FAM234A: variants seen among roughly 807,000 people sequenced by gnomAD.
The protein encoded by FAM234A is family with sequence similarity 234 member A, also known as protein FAM234A.
A neutral mutation model predicts 49.1 loss-of-function variants in FAM234A; 42 were observed. The ratio of observed to expected loss-of-function variants is 0.86; its 90% confidence interval spans 0.67 to 1.11. The LOEUF (loss-of-function observed/expected upper bound fraction) is 1.11. Ranked by LOEUF, FAM234A falls within the 50% of genes least tolerant of loss-of-function variation. FAM234A has a pLI of 0.00. For synonymous variants in FAM234A, 369 were observed against 316.2 expected, an observed-to-expected ratio of 1.17 and a Z score of -1.77; for missense variants, 815 against 745.2, an observed-to-expected ratio of 1.09 and a Z score of -1.09.
At chr16:268,850 G>C (rs2051788945), downstream of FAM234A, 2 of 1,550,434 alleles carry the variant, frequency 1.3e-6, no homozygotes, top group Non-Finnish European at 1.7e-6. Flanking sequence ...TCCGCGTCTT[G>C]TGACGGGTGT....
chr16:235,673 C>G (rs955798423), intron 1 of FAM234A, among the ~76,000 whole-genome samples: 1 of 152,148 alleles, frequency 6.6e-6, no homozygotes, highest in Non-Finnish European at 1.5e-5. Flanking sequence ...ACACTACTTC[C>G]CTTATTGCAA....
chr16:252,398 G>A (rs2051056695), intron 2 of FAM234A, among the ~76,000 whole-genome samples: 2 of 151,770 alleles, frequency 1.3e-5, no homozygotes, highest in Admixed American at 1.3e-4. Flanking sequence ...GTCCAGGATG[G>A]TCTCAATCTC....
intron 2 of FAM234A, 109 bp from the exon 3 acceptor site, chr16:254,268 ATAGT>A (rs2051137726): frequency 2.6e-6 from 2 of 780,800 alleles, no homozygotes; most frequent in East Asian, 4.9e-5. Context: ...CTGGTGGCCC[ATAGT>A]TAGAGCTGCA....
chr16:240,900 C>G (rs922240843), intron 1 of FAM234A, among the ~76,000 whole-genome samples: 27 of 152,064 alleles, frequency 1.8e-4, no homozygotes, highest in Non-Finnish European at 3.4e-4. Context: ...TAGTTTTCCT[C>G]TAAATATTAA....
At chr16:250,124 G>T (rs1347164192) in intron 2 of FAM234A, among the ~76,000 whole-genome samples, 1 of 152,076 alleles carries the variant, frequency 6.6e-6, no homozygotes, top group Non-Finnish European at 1.5e-5. Flanking sequence ...GTAGAGACGG[G>T]GTTTCACCGT....
In FAM234A at chr16:260,639, G is replaced by A. The variant is rs186566199; in HGVS notation, c.577+479G>A. On this transcript the variant is annotated intron_variant, in intron 5 of 12. Coordinates refer to ENST00000399932, the MANE Select transcript of FAM234A (RefSeq NM_032039.4). ...CGTGGAAGGACGAGGGAAAGAATGC[G>A]TGGTGCACGGGGCCATGTGTGTGTG... 4.7e-5 allele frequency: 22 copies of A among 472,692 alleles called. No individual in the cohort carries two copies. The East Asian group carries it at 8.3e-4, about 18-fold the overall frequency. 29.3% of individuals were successfully genotyped at this position (472,692 alleles called of 1,614,324 possible). A position where few individuals can be genotyped will look rare whatever the true frequency, so the allele number is the denominator to read the frequency against.
Position 265,986 on chromosome 16 carries a change from T to C in FAM234A, c.*964T>C, listed in dbSNP as rs549656412. The C allele has an allele frequency of 9.8e-4, 968 of 985,990 alleles. 7 individuals carry two copies. In the African/African-American group the frequency reaches 0.016, roughly 16 times the overall value. The allele number at this position is 985,990 out of a possible 1,614,324, so 61.1% of individuals were successfully genotyped here. ...GCCCAAGGGCAGCCATGGTGCTCTGTACTGCTCGGGCCGCCCAGGTCACAG... is the reference window on the plus strand; with the variant it reads ...GCCCAAGGGCAGCCATGGTGCTCTGCACTGCTCGGGCCGCCCAGGTCACAG... On this transcript the variant is annotated 3_prime_UTR_variant, in exon 13 of 13. Coordinates refer to ENST00000399932, the MANE Select transcript of FAM234A (RefSeq NM_032039.4).
Position 254,555 on chromosome 16 carries a change from C to T in FAM234A, c.142C>T (p.Arg48Ter), listed in dbSNP as rs556829255. 5 of 1,614,210 alleles carry T rather than the reference C, an allele frequency of 3.1e-6. No individual in the cohort carries two copies. In the East Asian group the frequency reaches 8.9e-5, roughly 29 times the overall value. The change falls in exon 3 of 13, where the codon CGA becomes TGA. Residue 48 changes from arginine to a stop codon, truncating the protein, a stop_gained. Coordinates refer to ENST00000399932, the MANE Select transcript of FAM234A (RefSeq NM_032039.4). LOFTEE classifies it high-confidence loss of function. Reference protein sequence around the residue: ...APPQSRLSRCRAAAFFLSLFL... With the variant: ...APPQSRLSRC ...TCCACAGTCCCGGCTCTCCCGGTGC[C>T]GAGCGGCGGCGTTTTTTCTTTCATT...
rs908970223 is a variant in FAM234A, at chr16:249,650, A to C, written c.-38A>C. The stretch of plus-strand genomic sequence containing the variant: ...AGGACGTCCTCCGGGCACTCCCACG[A>C]CCAGGTAGGTGAGGACTGGTGGGCC... On this transcript the variant is annotated 5_prime_UTR_variant, in exon 2 of 13. Transcript: ENST00000399932. 2.6e-5 allele frequency: 4 copies of C among 151,926 alleles called. No homozygotes were observed. Among genetic ancestry groups the C allele is most frequent in the African/African-American group, 9.7e-5 (4 of 41,210 alleles). The allele number at this position is 151,926 out of a possible 1,614,324, so 9.4% of individuals were successfully genotyped here.
At position 263,353 on chromosome 16, in the gene FAM234A, G is replaced by A. The variant is rs1243627339; in HGVS notation, c.1063G>A (p.Gly355Arg). 13 of 1,612,700 alleles carry A rather than the reference G, an allele frequency of 8.1e-6. No homozygotes were observed. The highest frequency in any genetic ancestry group is 9.3e-6 in the Non-Finnish European group (11 of 1,180,004). Residue 355 changes from glycine to arginine, a missense_variant, in exon 9 of 13, where the codon GGG becomes AGG. Gly to Arg is a moderately radical substitution (Grantham distance 125). Transcript: ENST00000399932. ...VGSEAFVLLD[G>R]QELTPRWTPK... ...CTCAGAGGCCTTCGTGCTGCTGGAC[G>A]GGCAGGAGCTGACGCCTCGCTGGAC...
In FAM234A at chr16:262,480, G is replaced by C; in HGVS notation, c.898G>C (p.Gly300Arg). 1 of 1,612,222 alleles carries C rather than the reference G, an allele frequency of 6.2e-7. No homozygotes were observed. ...TCTCTACGAGAAGGTGACCGGGAGC[G>C]GCGGCCCGTTCAAGAGTGACCCGCA... The part of the protein sequence containing the change: ...KGLYEKVTGS[G>R]GPFKSDPHWE... Residue 300 changes from glycine to arginine, a missense_variant, in exon 8 of 13, where the codon GGC becomes CGC. Gly to Arg is a moderately radical substitution (Grantham distance 125). Transcript: ENST00000399932.
At chr16:248,599 ATT>A (rs1405297042) in intron 1 of FAM234A, among the ~76,000 whole-genome samples, 2 of 151,798 alleles carry the variant, frequency 1.3e-5, no homozygotes, top group Non-Finnish European at 2.9e-5. Context: ...ATGAAAGGAG[ATT>A]TACCCTTTTA....
Position 259,493 on chromosome 16 carries a change from C to G in FAM234A, c.279C>G (p.Asp93Glu), listed in dbSNP as rs552685505. The G allele has an allele frequency of 3.3e-5, 52 of 1,598,026 alleles. No homozygotes were observed. In the East Asian group the frequency reaches 1.1e-3, roughly 33 times the overall value. Residue 93 changes from aspartate (D) to glutamate (E), a missense_variant, in exon 4 of 13, where the codon GAC becomes GAG. By Grantham distance (45) the Asp-to-Glu change is conservative. Transcript: ENST00000399932. The stretch of plus-strand genomic sequence containing the variant: ...GGTTTTCTCTTTCAGTTATCTATGA[C>G]TTTCTGGCTGTGGATGATATAAACG... ...RIDYSAAVIY[D>E]FLAVDDINGD...
chr16:259,717 A>G, intron 4 of FAM234A, 118 bp downstream of exon 4: 1 of 767,914 alleles, frequency 1.3e-6, no homozygotes, highest in Non-Finnish European at 2.2e-6. Context: ...TCTGGAACCC[A>G]TCTCGTCATC....
chr16:244,031 C>A (rs950179707), intron 1 of FAM234A, among the ~76,000 whole-genome samples: 3 of 151,176 alleles, frequency 2.0e-5, no homozygotes, highest in African/African-American at 7.3e-5. Context: ...TGCAGTGGTG[C>A]CATCTCGGCT....
intron 3 of FAM234A, among the ~76,000 whole-genome samples, chr16:255,843 AG>A (rs1357446054): frequency 1.3e-5 from 2 of 152,148 alleles, no homozygotes; most frequent in Non-Finnish European, 2.9e-5. Flanking sequence ...TTGTATTTTT[AG>A]TACAGATGGG....
At chr16:252,129 C>T (rs1455799049) in intron 2 of FAM234A, among the ~76,000 whole-genome samples, 1 of 150,832 alleles carries the variant, frequency 6.6e-6, no homozygotes, top group Non-Finnish European at 1.5e-5. Context: ...TCCCAAAGTA[C>T]TGGCATTACA....
At chr16:261,644 GC>G in intron 6 of FAM234A, 130 bp downstream of exon 6, 1 of 1,152,638 alleles carries the variant, frequency 8.7e-7, no homozygotes, top group Non-Finnish European at 1.2e-6. Flanking sequence ...CTCGCCCAGA[GC>G]CCCACGTTCC....
At chr16:246,640 C>G (rs1218192890) in intron 1 of FAM234A, among the ~76,000 whole-genome samples, 1 of 151,018 alleles carries the variant, frequency 6.6e-6, no homozygotes, top group Admixed American at 6.6e-5. Flanking sequence ...AGGATGGTCT[C>G]AATCTCCTGA....
Sources: allele counts gnomAD v4.1 joint callset (sites outside exome capture counted in the v4.1 genomes callset), GRCh38; gene constraint gnomAD v4.1.1; transcripts MANE v1.5; gene names NCBI Gene and HGNC (gene_info 2026-07-23, HGNC 2026-07-21).